Variants in EPB41L5 observed in about 807,000 individuals in gnomAD.
The protein encoded by EPB41L5 is band 4.1-like protein 5.
In EPB41L5, 55 loss-of-function variants were observed where a neutral mutation model predicts 106.6. The observed-to-expected ratio is 0.52, with a 90% CI of 0.42 to 0.65. The LOEUF (loss-of-function observed/expected upper bound fraction) is 0.65, where lower values mean the gene tolerates loss of function less well. Among genes scored for constraint, EPB41L5 ranks in the 30% least tolerant of loss-of-function variants. EPB41L5 has a pLI of 0.00. For synonymous variants in EPB41L5, 297 were observed against 306.7 expected, an observed-to-expected ratio of 0.97 and a Z score of 0.33; for missense variants, 871 against 882.1, an observed-to-expected ratio of 0.99 and a Z score of 0.16.
chr2:120,135,975 T>C (rs1033387473), intron 18 of EPB41L5, among the ~76,000 whole-genome samples: 1 of 151,766 alleles, frequency 6.6e-6, no homozygotes, highest in Non-Finnish European at 1.5e-5. Flanking sequence ...GTGTATAAAC[T>C]ATTCATATCT....
chr2:120,021,403 G>A (rs1244396808), intron 2 of EPB41L5, among the ~76,000 whole-genome samples: 1 of 152,066 alleles, frequency 6.6e-6, no homozygotes, highest in African/African-American at 2.4e-5. Context: ...GCAGCACTTT[G>A]GGAGGCCGAG....
intron 3 of EPB41L5, among the ~76,000 whole-genome samples, chr2:120,060,787 T>G (rs1188750324): frequency 2.6e-5 from 4 of 152,196 alleles, no homozygotes; most frequent in African/African-American, 9.6e-5. Flanking sequence ...AATATTGTAC[T>G]GTAGTTATGT....
At chr2:120,116,377 T>C (rs1218133627) in intron 16 of EPB41L5, among the ~76,000 whole-genome samples, 2 of 152,204 alleles carry the variant, frequency 1.3e-5, no homozygotes, top group Admixed American at 6.5e-5. Context: ...TCCTATATGA[T>C]TGAAGGAGGT....
In EPB41L5 at chr2:120,138,186, A is replaced by T. The variant is rs1375371340; in HGVS notation, c.1600-4817A>T. 5.3e-5 allele frequency among the ~76,000 whole-genome samples: 8 copies of T among 152,128 alleles called. No homozygotes were observed. In the East Asian group the frequency reaches 1.5e-3, roughly 29 times the overall value. ...TTGTGATTAAGAAAAAAAAACTAAA[A>T]AAACTGGGTATAGATGGAACATACC... On this transcript the variant is annotated intron_variant, in intron 18 of 24. Coordinates refer to ENST00000263713, the MANE Select transcript of EPB41L5 (RefSeq NM_020909.4).
chr2:120,140,522 T>TA (rs1282711843), intron 18 of EPB41L5, among the ~76,000 whole-genome samples: 5 of 152,048 alleles, frequency 3.3e-5, no homozygotes, highest in African/African-American at 1.2e-4. Flanking sequence ...TACCTTGCCT[T>TA]AACTCTAGTC....
chr2:120,167,144 A>ATGT (rs1687448805), intron 22 of EPB41L5, among the ~76,000 whole-genome samples: 1 of 152,246 alleles, frequency 6.6e-6, no homozygotes, highest in Non-Finnish European at 1.5e-5. Context: ...AGAAAATAAA[A>ATGT]TGTTAAACTG....
rs574912826 is a variant in EPB41L5 at position 120,048,028 on chromosome 2, A to G, written c.285+5918A>G. On this transcript the variant is annotated intron_variant, in intron 3 of 24. Transcript: ENST00000263713. Reference sequence around the variant, plus strand: ...GATGAAGCCCACTTGATCATGGTGGATAAGCTTTTTGATGTGCTCCTGGAT... The same window carrying G: ...GATGAAGCCCACTTGATCATGGTGGGTAAGCTTTTTGATGTGCTCCTGGAT... Among the ~76,000 whole-genome samples, 6 of 152,288 alleles carry G rather than the reference A, an allele frequency of 3.9e-5. No homozygotes were observed. In the East Asian group the frequency reaches 1.2e-3, roughly 29 times the overall value.
At chr2:120,150,218 T>C (rs909164585) in intron 20 of EPB41L5, among the ~76,000 whole-genome samples, 2 of 152,218 alleles carry the variant, frequency 1.3e-5, no homozygotes, top group Non-Finnish European at 2.9e-5. Flanking sequence ...TTGATTTGCA[T>C]TTCTCTAATG....
intron 3 of EPB41L5, among the ~76,000 whole-genome samples, chr2:120,065,172 AC>A (rs1681359729): frequency 6.6e-6 from 1 of 152,082 alleles, no homozygotes; most frequent in South Asian, 2.1e-4. Context: ...AGGCTGGAGT[AC>A]AGTATCATAG....
At chr2:120,145,060 C>T (rs1686339277) in intron 19 of EPB41L5, among the ~76,000 whole-genome samples, 2 of 152,184 alleles carry the variant, frequency 1.3e-5, no homozygotes, top group Admixed American at 1.3e-4. Flanking sequence ...GCCACATCCA[C>T]TGAAATAGCT....
chr2:120,028,302 A>G (rs1407915690), intron 2 of EPB41L5, among the ~76,000 whole-genome samples: 1 of 152,114 alleles, frequency 6.6e-6, no homozygotes, highest in Non-Finnish European at 1.5e-5. Flanking sequence ...TTGAGAGGCC[A>G]GGGTGGGAGG....
intron 17 of EPB41L5, 140 bp from the exon 18 acceptor site, chr2:120,131,478 T>G: frequency 1.6e-6 from 1 of 610,250 alleles, no homozygotes; most frequent in Non-Finnish European, 3.0e-6. Flanking sequence ...GAAAATATAT[T>G]TATTTTGTGT....
At chr2:120,162,217 T>A (rs1434706993) in intron 21 of EPB41L5, among the ~76,000 whole-genome samples, 3 of 152,248 alleles carry the variant, frequency 2.0e-5, no homozygotes, top group African/African-American at 4.8e-5. Context: ...CTAATTGCAC[T>A]GCAGCATAAC....
chr2:120,115,599 T>G (rs1574700163), intron 16 of EPB41L5, among the ~76,000 whole-genome samples: 1 of 151,302 alleles, frequency 6.6e-6, no homozygotes. Flanking sequence ...ACCATGTTGG[T>G]CAGGCTGGTC....
At chr2:120,094,091 A>G (rs1314706974) in intron 14 of EPB41L5, among the ~76,000 whole-genome samples, 1 of 152,066 alleles carries the variant, frequency 6.6e-6, no homozygotes, top group African/African-American at 2.4e-5. Context: ...GGCTCAAGTG[A>G]TCATCCCACC....
intron 9 of EPB41L5, among the ~76,000 whole-genome samples, chr2:120,077,700 A>G (rs1682346174): frequency 2.5e-5 from 2 of 79,438 alleles, no homozygotes; most frequent in Admixed American, 1.4e-4. Context: ...TTGAAGATTT[A>G]TAGCTTAAAG....
At chr2:120,127,624 A>C (rs1685516580) in intron 16 of EPB41L5, 64 bp from the exon 17 acceptor site, 1 of 1,347,160 alleles carries the variant, frequency 7.4e-7, no homozygotes, top group African/African-American at 1.4e-5. Flanking sequence ...ACAGAGGGTG[A>C]GTAGTGTTTT....
intron 1 of EPB41L5, chr2:120,013,746 G>A (rs796427796): frequency 4.4e-4 from 67 of 152,348 alleles, no homozygotes; most frequent in African/African-American, 1.4e-3. Context: ...CGGTTGTCGT[G>A]CTAATGATGG....
intron 2 of EPB41L5, among the ~76,000 whole-genome samples, chr2:120,029,916 A>G (rs965213600): frequency 3.3e-5 from 5 of 152,224 alleles, no homozygotes; most frequent in African/African-American, 1.2e-4. Context: ...CGTCAGCAGG[A>G]AGAAGCCAGA....
Sources: allele counts gnomAD v4.1 joint callset (sites outside exome capture counted in the v4.1 genomes callset), GRCh38; gene constraint gnomAD v4.1.1; transcripts MANE v1.5; gene names NCBI Gene and HGNC (gene_info 2026-07-23, HGNC 2026-07-21).